IPO8: variants seen among roughly 807,000 people sequenced by gnomAD.
IPO8 encodes the protein importin-8.
IPO8 carries 65 observed loss-of-function variants against 141.2 expected under a neutral mutation model. The ratio of observed to expected loss-of-function variants is 0.46; its 90% CI spans 0.38 to 0.57. The LOEUF is 0.57. IPO8 is among the 20% of genes least tolerant of loss of function. The pLI is 0.00. For missense variants in IPO8, 980 were observed against 1,246.8 expected (o/e 0.79, Z 3.22); for synonymous variants, 411 against 420.3 (o/e 0.98, Z 0.27).
chr12:30,649,296 T>C, intron 19 of IPO8, 64 bp from the exon 20 acceptor site: 2 of 1,104,756 alleles, frequency 1.8e-6, no homozygotes, highest in Non-Finnish European at 2.7e-6. Flanking sequence ...CAAGTCCACA[T>C]GCACAAATGT....
At chr12:30,657,912 A>T (rs2052823983) in intron 16 of IPO8, among the ~76,000 whole-genome samples, 2 of 152,322 alleles carry the variant, frequency 1.3e-5, no homozygotes, top group South Asian at 4.1e-4. Context: ...TTTAAAAAAA[A>T]GGAAAAAAAT....
intron 20 of IPO8, among the ~76,000 whole-genome samples, chr12:30,644,067 G>C (rs575816122): frequency 6.6e-6 from 1 of 152,260 alleles, no homozygotes; most frequent in East Asian, 1.9e-4. Flanking sequence ...GGAGAAAAGA[G>C]CCTTCAAAGA....
At position 30,652,245 on chromosome 12, in the gene IPO8, T is replaced by C. The variant is rs2052737785; in HGVS notation, c.2119A>G (p.Thr707Ala). The C allele has an allele frequency of 1.2e-6, 2 of 1,605,510 alleles. No homozygotes were observed. The highest frequency in any genetic ancestry group is 1.7e-6 in the Non-Finnish European group (2 of 1,173,628). ...AAATGTTTTGCATTTGATAGTAAGG[T>C]ATCTGTATCTATTGTCACATAATTA... ...LHNYVTIDTD[T>A]LLSNAKHLEI... Residue 707 changes from threonine to alanine, a missense_variant, in exon 19 of 25, where the codon ACC becomes GCC. By Grantham distance (58) the Thr-to-Ala change is moderately conservative. Around this residue, in one of 3 missense-constraint regions of IPO8, gnomAD observed 924 missense variants for 1,153.9 expected, o/e 0.80. Coordinates refer to ENST00000256079, the MANE Select transcript of IPO8 (RefSeq NM_006390.4).
intron 20 of IPO8, among the ~76,000 whole-genome samples, chr12:30,641,493 C>CTTTTTTTTTTTTTTTTTTTTTTTTTT (rs58656525): frequency 2.2e-5 from 3 of 135,050 alleles, no homozygotes; most frequent in Non-Finnish European, 1.6e-5. Context: ...TAAGCTATTT[C>CTTTTTTTTTTTTTTTTTTTTTTTTTT]TTTTTTTTTT....
At chr12:30,643,757 TC>T (rs927425532) in intron 20 of IPO8, among the ~76,000 whole-genome samples, 3 of 152,218 alleles carry the variant, frequency 2.0e-5, no homozygotes, top group African/African-American at 7.2e-5. Flanking sequence ...TACATCCACT[TC>T]CCCTTTGACC....
At chr12:30,644,143 G>A (rs2052609246) in intron 20 of IPO8, among the ~76,000 whole-genome samples, 1 of 152,172 alleles carries the variant, frequency 6.6e-6, no homozygotes, top group African/African-American at 2.4e-5. Flanking sequence ...TGAGGCAGGA[G>A]GATCACTTGA....
At position 30,647,650 on chromosome 12, in the gene IPO8, T is replaced by TA. The variant is rs1165168910; in HGVS notation, c.2268+1486dup. The stretch of plus-strand genomic sequence containing the variant: ...AGACACCAACCACAAGCAATAATCA[T>TA]AAAAAAAAATTAATGGACATCATCA... On this transcript the variant is annotated intron_variant, in intron 20 of 24. Coordinates refer to ENST00000256079, the MANE Select transcript of IPO8 (RefSeq NM_006390.4). Among the ~76,000 whole-genome samples the TA allele has an allele frequency of 1.1e-4, 9 of 79,798 alleles. No homozygotes were observed. In the South Asian group the frequency reaches 1.8e-3, roughly 16 times the overall value. 52.4% of individuals were successfully genotyped at this position (79,798 alleles called of 152,430 possible). A position where few individuals can be genotyped will look rare whatever the true frequency, so the allele number is the denominator to read the frequency against.
intron 8 of IPO8, 135 bp from the exon 9 acceptor site, chr12:30,671,231 T>C: frequency 1.7e-6 from 1 of 601,468 alleles, no homozygotes; most frequent in Admixed American, 2.9e-5. Flanking sequence ...CAATGTTTTG[T>C]AAGAAAGCTC....
intron 2 of IPO8, among the ~76,000 whole-genome samples, chr12:30,686,945 G>A (rs966271454): frequency 3.9e-5 from 6 of 151,906 alleles, no homozygotes; most frequent in African/African-American, 1.5e-4. Context: ...AAATAAAATT[G>A]AAAATATATT....
chr12:30,684,486 C>CAG, intron 2 of IPO8, 29 bp from the exon 3 acceptor site: 4 of 1,609,436 alleles, frequency 2.5e-6, no homozygotes, highest in Non-Finnish European at 3.4e-6. Context: ...GCTAATGTAG[C>CAG]AGTACCAAAA....
intron 8 of IPO8, 80 bp from the exon 9 acceptor site, chr12:30,671,176 A>G (rs1403431544): frequency 3.6e-6 from 3 of 837,120 alleles, no homozygotes; most frequent in South Asian, 1.7e-5. Context: ...GGCATGACCT[A>G]AAATTCAGAA....
Position 30,690,553 on chromosome 12 carries a change from G to A in IPO8, c.109C>T (p.Pro37Ser). ...GAGACTATAATCCGAAGTAAACTGG[G>A]GGCAAAATTGATAATCTTGTAGGAC... ...NQSYKIINFA[P>S]SLLRIIVSDH... is the part of the protein sequence containing the mutation. Residue 37 changes from proline to serine, a missense_variant, in exon 2 of 25, where the codon CCC (proline) becomes TCC (serine). This residue lies in a region of IPO8 where 40 missense variants were observed against 46.3 expected (regional missense o/e 0.86). Coordinates refer to ENST00000256079, the MANE Select transcript of IPO8 (RefSeq NM_006390.4). 2 of 1,587,868 alleles carry A rather than the reference G, an allele frequency of 1.3e-6. No homozygotes were observed. The highest frequency in any genetic ancestry group is 1.7e-6 in the Non-Finnish European group (2 of 1,166,962).
chr12:30,661,544 A>T (rs915467751), intron 15 of IPO8, among the ~76,000 whole-genome samples: 1 of 152,118 alleles, frequency 6.6e-6, no homozygotes, highest in African/African-American at 2.4e-5. Context: ...AAGTGAAATC[A>T]AGTAATAGTA....
chr12:30,664,070 T>A (rs7968343), intron 13 of IPO8, among the ~76,000 whole-genome samples: 83,071 of 151,974 alleles, frequency 0.55, 23,316 homozygotes, highest in African/African-American at 0.67. Context: ...TTTTTCACTC[T>A]CATAGGTACC....
chr12:30,694,928 A>T (rs565977193), intron 1 of IPO8: 9 of 453,076 alleles, frequency 2.0e-5, no homozygotes, highest in African/African-American at 1.8e-4. Flanking sequence ...GAAAAGAAAG[A>T]AGTCTTACAC....
intron 5 of IPO8, among the ~76,000 whole-genome samples, chr12:30,678,981 A>G (rs1232570901): frequency 2.0e-5 from 3 of 152,102 alleles, no homozygotes; most frequent in Non-Finnish European, 4.4e-5. Context: ...CTGGAATTAG[A>G]GGCACCCGCC....
At chr12:30,640,736 T>C (rs923868930) in intron 20 of IPO8, among the ~76,000 whole-genome samples, 4 of 152,204 alleles carry the variant, frequency 2.6e-5, no homozygotes, top group African/African-American at 4.8e-5. Context: ...TGAGATGTTT[T>C]AAAACTAAAG....
intron 10 of IPO8, among the ~76,000 whole-genome samples, chr12:30,668,734 A>G (rs371461756): frequency 2.6e-5 from 4 of 152,212 alleles, no homozygotes; most frequent in African/African-American, 9.6e-5. Context: ...TGGACCACAC[A>G]CAGTAGGGCC....
chr12:30,662,610 T>C (rs1230653469), intron 14 of IPO8, 123 bp from the exon 15 acceptor site: 18 of 722,672 alleles, frequency 2.5e-5, no homozygotes, highest in Non-Finnish European at 4.4e-5. Flanking sequence ...GATACACACT[T>C]GCTCTGTGGT....
Sources: gnomAD v4.1 joint callset for allele counts (sites outside exome capture counted in the v4.1 genomes callset) on GRCh38, gnomAD v4.1.1 for gene constraint, gnomAD v4.1.1 regional missense constraint, MANE v1.5 for transcripts, NCBI Gene and HGNC (gene_info 2026-07-23, HGNC 2026-07-21) for gene names.